Variants in ANK2 observed in about 807,000 individuals in gnomAD.
The protein encoded by ANK2 is ankyrin-2.
Under a neutral mutation model 360.5 loss-of-function variants are expected in ANK2, and 83 were observed. The observed-to-expected ratio is 0.23, with a 90% confidence interval of 0.19 to 0.28. The LOEUF is 0.28. Among genes scored for constraint, ANK2 ranks in the 10% least tolerant of loss-of-function variants. ANK2 has a pLI of 1.00. For synonymous variants in ANK2, 1,740 were observed against 1,759.5 expected, an observed-to-expected ratio of 0.99 and a Z score of 0.28; for missense variants, 4,201 against 4,795.7, an observed-to-expected ratio of 0.88 and a Z score of 3.66.
intron 1 of ANK2, among the ~76,000 whole-genome samples, chr4:112,896,691 G>A (rs2081856047): frequency 6.6e-6 from 1 of 152,164 alleles, no homozygotes. Context: ...GCTGCTATGT[G>A]GCTGGTTTGG....
intron 43 of ANK2, 89 bp downstream of exon 43, chr4:113,369,894 C>T: frequency 6.4e-7 from 1 of 1,551,500 alleles, no homozygotes; most frequent in Non-Finnish European, 8.8e-7. Context: ...ATTTTTTGCA[C>T]TTCAAAACAA....
the ANK2 span, among the ~76,000 whole-genome samples, chr4:112,713,006 C>G: frequency 6.6e-6 from 1 of 152,088 alleles, no homozygotes; most frequent in Non-Finnish European, 1.5e-5. Context: ...CTACTGTAGT[C>G]AAACAAAGGC....
chr4:113,069,935 A>G (rs1482142189), intron 1 of ANK2: 1 of 152,130 alleles, frequency 6.6e-6, no homozygotes, highest in Non-Finnish European at 1.5e-5. Context: ...GCTTTACAAC[A>G]TGCTATGAAT....
In ANK2 at chr4:113,356,633, A is replaced by C. The variant is rs763567400; in HGVS notation, c.8015A>C (p.Gln2672Pro). The change falls in exon 38 of 46, where the codon CAG becomes CCG. Residue 2672 changes from glutamine (Q) to proline (P), a missense_variant. Gln to Pro is a moderately conservative substitution (Grantham distance 76, BLOSUM62 -1). Around this residue, in one of 4 missense-constraint regions of ANK2, gnomAD observed 2,642 missense variants for 2,714.5 expected, o/e 0.97. Transcript: ENST00000357077. ...TCAGAAAGTGAACCTGAGTTGGCACAGCTTAAAAAAGGTGCTGACTCAGGC... is the reference window on the plus strand; with the variant it reads ...TCAGAAAGTGAACCTGAGTTGGCACCGCTTAAAAAAGGTGCTGACTCAGGC... ...SSSESEPELA[Q>P]LKKGADSGLL... 1.3e-5 allele frequency: 21 copies of C among 1,614,012 alleles called. No individual in the cohort carries two copies. In the East Asian group the frequency reaches 4.5e-4, roughly 34 times the overall value.
At chr4:113,194,076 G>A (rs565896693) in intron 2 of ANK2, among the ~76,000 whole-genome samples, 64 of 152,140 alleles carry the variant, frequency 4.2e-4, no homozygotes, top group South Asian at 1.0e-3. Flanking sequence ...AATATTTATC[G>A]GGACAAAAAT....
chr4:112,827,138 T>C, intron 1 of ANK2: 1 of 1,101,932 alleles, frequency 9.1e-7, no homozygotes. Context: ...CAGCATTGAA[T>C]GACTACTTAC....
At chr4:112,713,224 C>T in the ANK2 span, among the ~76,000 whole-genome samples, 3 of 152,054 alleles carry the variant, frequency 2.0e-5, no homozygotes, top group Non-Finnish European at 4.4e-5. Context: ...AGTAGTATTC[C>T]ATCGTATGGG....
rs140795403 is a variant in ANK2, at chr4:112,903,752, G to A, written c.-39-703G>A. On this transcript the variant is annotated intron_variant, in intron 1 of 30. Coordinates refer to the ANK2 transcript ENST00000503271. ...AATAAATCAAATCTTTTGAAAGGAA[G>A]CAGCAAAATATAATAAAAAAAGAAG... 2.2e-3 allele frequency among the ~76,000 whole-genome samples: 341 copies of A among 152,284 alleles called. 1 individual carries two copies. Among genetic ancestry groups the A allele is most frequent in the African/African-American group, 7.4e-3 (309 of 41,542 alleles).
At chr4:112,779,750 C>A in the ANK2 span, among the ~76,000 whole-genome samples, 1 of 152,166 alleles carries the variant, frequency 6.6e-6, no homozygotes, top group South Asian at 2.1e-4. Flanking sequence ...GTTCAGTTGT[C>A]TTCTTGCCTT....
the ANK2 span, among the ~76,000 whole-genome samples, chr4:112,717,996 C>T: frequency 6.6e-6 from 1 of 152,202 alleles, no homozygotes; most frequent in Admixed American, 6.5e-5. Context: ...CTTTTATAGA[C>T]ACCTTCTTCA....
chr4:113,250,715 T>G (rs1413424865), intron 10 of ANK2, among the ~76,000 whole-genome samples: 2 of 151,248 alleles, frequency 1.3e-5, no homozygotes, highest in Non-Finnish European at 2.9e-5. Context: ...AAAGGGCAGT[T>G]GTTGTATTTT....
chr4:112,917,726 A>G (rs1331548752), intron 2 of ANK2, among the ~76,000 whole-genome samples: 4 of 152,240 alleles, frequency 2.6e-5, no homozygotes, highest in Non-Finnish European at 5.9e-5. Context: ...GGGTGAATTC[A>G]CATTAAGTAA....
At position 113,264,933 on chromosome 4, in the gene ANK2, G is replaced by T. The variant is rs36210415; in HGVS notation, c.1423G>T (p.Gly475Trp). 2 of 1,568,772 alleles carry T rather than the reference G, an allele frequency of 1.3e-6. No individual in the cohort carries two copies. The highest frequency in any genetic ancestry group is 4.7e-5 in the East Asian group (2 of 42,794). The change falls in exon 14 of 46, where the codon GGG becomes TGG. Residue 475 changes from glycine (G) to tryptophan (W), a missense_variant. Transcript: ENST00000357077. ...GGCACTACACATGGCAGCCCGAGCC[G>T]GGCAGGTGGAAGTGGTCCGATGCCT... ...ETALHMAARA[G>W]QVEVVRCLLR...
At chr4:112,788,704 G>A in the ANK2 span, 26 of 1,596,808 alleles carry the variant, frequency 1.6e-5, no homozygotes, top group East Asian at 2.2e-5. Flanking sequence ...CTGATATAGC[G>A]GGGCCATTTC....
chr4:113,013,807 T>A (rs2055607095), intron 2 of ANK2, among the ~76,000 whole-genome samples: 1 of 152,206 alleles, frequency 6.6e-6, no homozygotes, highest in African/African-American at 2.4e-5. Flanking sequence ...GTCAAAAGCC[T>A]CGTGTTTACT....
chr4:112,886,385 G>A (rs772804132), intron 1 of ANK2, among the ~76,000 whole-genome samples: 3 of 152,012 alleles, frequency 2.0e-5, no homozygotes, highest in Non-Finnish European at 4.4e-5. Flanking sequence ...AATAGACTGG[G>A]TGGGTGTGGT....
chr4:113,161,314 T>C (rs1207231396), intron 1 of ANK2, among the ~76,000 whole-genome samples: 1 of 152,140 alleles, frequency 6.6e-6, no homozygotes, highest in Admixed American at 6.5e-5. Context: ...AATTTTGCAA[T>C]ATAAGCTAAG....
chr4:112,715,455 A>G, the ANK2 span, among the ~76,000 whole-genome samples: 1 of 152,218 alleles, frequency 6.6e-6, no homozygotes, highest in Non-Finnish European at 1.5e-5. Context: ...GATCTACCAC[A>G]GAGTGAGAAC....
chr4:113,304,586 G>C (rs912607021), intron 23 of ANK2, among the ~76,000 whole-genome samples: 2 of 152,008 alleles, frequency 1.3e-5, no homozygotes, highest in Non-Finnish European at 2.9e-5. Flanking sequence ...TCTTTTCTTA[G>C]AATATAAATT....
Sources: gnomAD v4.1 joint callset for allele counts (sites outside exome capture counted in the v4.1 genomes callset) on GRCh38, gnomAD v4.1.1 for gene constraint, gnomAD v4.1.1 regional missense constraint, MANE v1.5 for transcripts, NCBI Gene and HGNC (gene_info 2026-07-23, HGNC 2026-07-21) for gene names.